The following FILIP1L variants were observed in gnomAD, a reference collection of about 807,000 sequenced individuals.
FILIP1L encodes filamin A-interacting protein 1-like.
Under a neutral mutation model 96.6 loss-of-function variants are expected in FILIP1L, and 55 were observed. The observed-to-expected ratio is 0.57, with a 90% CI of 0.46 to 0.71. FILIP1L has a LOEUF of 0.71. FILIP1L is among the 30% of genes least tolerant of loss of function. The probability of loss-of-function intolerance (pLI) is 0.00; values close to 1 mark genes in which losing one functional copy is unlikely to be tolerated. For synonymous variants in FILIP1L, 467 were observed against 473.9 expected (o/e 0.99, Z 0.19); for missense variants, 1,304 against 1,321.2 (o/e 0.99, Z 0.20).
At chr3:99,919,087 C>A (rs987832313) in intron 4 of FILIP1L, among the ~76,000 whole-genome samples, 1 of 152,044 alleles carries the variant, frequency 6.6e-6, no homozygotes, top group Admixed American at 6.6e-5. Flanking sequence ...TTTATACCCA[C>A]TGTGTATTGC....
chr3:99,866,667 C>T (rs1944537943), intron 4 of FILIP1L, among the ~76,000 whole-genome samples: 2 of 152,100 alleles, frequency 1.3e-5, no homozygotes, highest in Non-Finnish European at 2.9e-5. Flanking sequence ...GCTTGGCTTC[C>T]TGCTGAGTAA....
chr3:100,024,083 A>T (rs1255151509), intron 1 of FILIP1L, among the ~76,000 whole-genome samples: 2 of 151,768 alleles, frequency 1.3e-5, no homozygotes, highest in Non-Finnish European at 2.9e-5. Flanking sequence ...TCCTCCCACA[A>T]CTCTAACTAC....
At chr3:100,048,157 A>G (rs2065308334) in intron 1 of FILIP1L, among the ~76,000 whole-genome samples, 1 of 152,242 alleles carries the variant, frequency 6.6e-6, no homozygotes, top group African/African-American at 2.4e-5. Flanking sequence ...ACAAATGACC[A>G]GGTCCCAAGC....
chr3:99,996,280 CAA>C (rs1709678283), intron 1 of FILIP1L, among the ~76,000 whole-genome samples: 1 of 152,186 alleles, frequency 6.6e-6, no homozygotes, highest in Non-Finnish European at 1.5e-5. Context: ...TAAAACATAA[CAA>C]GAGTCACCTT....
At chr3:100,109,291 T>G (rs1382731732) in intron 1 of FILIP1L, among the ~76,000 whole-genome samples, 2 of 152,116 alleles carry the variant, frequency 1.3e-5, no homozygotes, top group African/African-American at 4.8e-5. Context: ...TGGTTGAAGT[T>G]TGAAGTGGGA....
rs202229023 is a variant in FILIP1L, at chr3:99,848,960, C to A, written c.2716G>T (p.Val906Phe). The A allele has an allele frequency of 1.2e-5, 20 of 1,613,922 alleles. No individual in the cohort carries two copies. Among genetic ancestry groups the A allele is most frequent in the Non-Finnish European group, 1.7e-5 (20 of 1,180,018 alleles). ...HTPGQPLHIKVTPDHVQNTAT... is the reference protein window; with the variant it reads ...HTPGQPLHIKFTPDHVQNTAT... ...GTGTTTTGTACATGGTCTGGAGTAA[C>A]CTTTATATGAAGTGGCTGCCCAGGT... The change falls in exon 5 of 6, where the codon GTT becomes TTT. Residue 906 changes from valine (V) to phenylalanine (F), a missense_variant. By Grantham distance (50) the Val-to-Phe change is conservative. Coordinates refer to ENST00000477258, the MANE Select transcript of FILIP1L (RefSeq NM_001387850.1).
At chr3:100,045,584 G>A (rs2065266777) in intron 1 of FILIP1L, among the ~76,000 whole-genome samples, 1 of 151,964 alleles carries the variant, frequency 6.6e-6, no homozygotes, top group Non-Finnish European at 1.5e-5. Context: ...TCTTAAATGG[G>A]ACATTTGGAC....
At chr3:99,910,034 G>A (rs1251985954) in intron 4 of FILIP1L, among the ~76,000 whole-genome samples, 1 of 137,700 alleles carries the variant, frequency 7.3e-6, no homozygotes, top group African/African-American at 2.5e-5. Context: ...TTACTTAACA[G>A]TGAAGGGCTT....
At chr3:99,837,638 C>T (rs960160720) in intron 5 of FILIP1L, among the ~76,000 whole-genome samples, 8 of 152,182 alleles carry the variant, frequency 5.3e-5, no homozygotes, top group African/African-American at 1.9e-4. Context: ...GTTTTGTACT[C>T]CTGAATTTGG....
intron 1 of FILIP1L, among the ~76,000 whole-genome samples, chr3:100,043,698 G>A (rs909279364): frequency 2.0e-5 from 3 of 152,148 alleles, no homozygotes; most frequent in Admixed American, 6.5e-5. Flanking sequence ...ACAAAAAATT[G>A]TGTATATTTA....
intron 1 of FILIP1L, among the ~76,000 whole-genome samples, chr3:99,976,830 A>T (rs1708986486): frequency 6.6e-6 from 1 of 152,084 alleles, no homozygotes; most frequent in Non-Finnish European, 1.5e-5. Context: ...ATCTCTTCAA[A>T]TATTTCTTCT....
intron 1 of FILIP1L, among the ~76,000 whole-genome samples, chr3:99,978,021 A>C (rs1217033464): frequency 1.3e-5 from 2 of 152,214 alleles, no homozygotes; most frequent in African/African-American, 4.8e-5. Context: ...GAAGTTCCTC[A>C]TAATTCCACC....
chr3:99,889,934 T>A (rs868812823), intron 4 of FILIP1L, among the ~76,000 whole-genome samples: 1 of 152,128 alleles, frequency 6.6e-6, no homozygotes, highest in Non-Finnish European at 1.5e-5. Context: ...ATTGTTCTAT[T>A]AGGCAATTAT....
At chr3:100,105,508 G>C (rs1455482482) in intron 1 of FILIP1L, among the ~76,000 whole-genome samples, 4 of 152,142 alleles carry the variant, frequency 2.6e-5, no homozygotes, top group Non-Finnish European at 4.4e-5. Context: ...TTCCAGGAAG[G>C]TTCAGTAATC....
In FILIP1L at chr3:100,081,838, G is replaced by GTA. The variant is rs201067739; in HGVS notation, c.-11+32213_-11+32214dup. Among the ~76,000 whole-genome samples the GTA allele has an allele frequency of 4.6e-3, 701 of 152,212 alleles. 5 individuals are homozygous for GTA. Among genetic ancestry groups the GTA allele is most frequent in the African/African-American group, 0.016 (668 of 41,532 alleles). ...GTTGCAGAGGGCTGTCCTGTGCATT[G>GTA]TAGGATGTTTAGCAGCATCCTTGGC... On this transcript the variant is annotated intron_variant, in intron 1 of 5. Coordinates refer to ENST00000477258, the MANE Select transcript of FILIP1L (RefSeq NM_001387850.1).
At chr3:100,028,966 C>T (rs930608956) in intron 1 of FILIP1L, among the ~76,000 whole-genome samples, 1 of 152,058 alleles carries the variant, frequency 6.6e-6, no homozygotes, top group South Asian at 2.1e-4. Flanking sequence ...TTTACAAGCT[C>T]GTCAGTCCGT....
At chr3:100,037,441 A>C (rs922466073) in intron 1 of FILIP1L, among the ~76,000 whole-genome samples, 10 of 152,146 alleles carry the variant, frequency 6.6e-5, no homozygotes, top group Non-Finnish European at 1.2e-4. Flanking sequence ...AGATTAAAAC[A>C]AAGCAAACAG....
chr3:100,044,984 A>G (rs1575983029), intron 1 of FILIP1L, among the ~76,000 whole-genome samples: 1 of 152,166 alleles, frequency 6.6e-6, no homozygotes, highest in Non-Finnish European at 1.5e-5. Flanking sequence ...TTTAGAGGAG[A>G]GTCTAGCCTG....
At chr3:99,910,894 C>T (rs1706766629) in intron 4 of FILIP1L, among the ~76,000 whole-genome samples, 1 of 152,150 alleles carries the variant, frequency 6.6e-6, no homozygotes, top group Non-Finnish European at 1.5e-5. Flanking sequence ...CAGTTATATT[C>T]TCTAAGTAAG....
Sources: allele counts gnomAD v4.1 joint callset (sites outside exome capture counted in the v4.1 genomes callset), GRCh38; gene constraint gnomAD v4.1.1; transcripts MANE v1.5; gene names NCBI Gene and HGNC (gene_info 2026-07-23, HGNC 2026-07-21).